SIM1: variants seen among roughly 807,000 people sequenced by gnomAD.
SIM1 encodes SIM bHLH transcription factor 1.
In SIM1, 18 loss-of-function variants were observed where a neutral mutation model predicts 78.2. The ratio of observed to expected loss-of-function variants is 0.23; its 90% CI spans 0.16 to 0.34. The LOEUF is 0.34. Ranked by LOEUF, SIM1 falls within the 10% of genes least tolerant of loss-of-function variation. SIM1 has a pLI of 1.00. For missense variants in SIM1, 939 were observed against 975.1 expected (o/e 0.96, Z 0.49); for synonymous variants, 417 against 385.2 (o/e 1.08, Z -0.97).
At position 100,458,766 on chromosome 6, in the gene SIM1, G is replaced by A. The variant is rs571982198; in HGVS notation, c.175+4528C>T. Among the ~76,000 whole-genome samples, 106 of 152,356 alleles carry A rather than the reference G, an allele frequency of 7.0e-4. 1 individual carries two copies. The highest frequency in any genetic ancestry group is 6.8e-3 in the Middle Eastern group (2 of 294). On this transcript the variant is annotated intron_variant, in intron 2 of 11. Coordinates refer to ENST00000369208, the MANE Select transcript of SIM1 (RefSeq NM_005068.3). ...CTGTCGGCCCTGCGCCGCCGAGGCCGAGTGACAAGGCGCAGGAACCGCCTA... is the reference window on the plus strand; with the variant it reads ...CTGTCGGCCCTGCGCCGCCGAGGCCAAGTGACAAGGCGCAGGAACCGCCTA...
intron 10 of SIM1, among the ~76,000 whole-genome samples, chr6:100,400,125 A>G (rs971601624): frequency 6.6e-6 from 1 of 152,092 alleles, no homozygotes; most frequent in Non-Finnish European, 1.5e-5. Flanking sequence ...AGCAAAAACT[A>G]TAGGAGATAC....
At position 100,393,772 on chromosome 6, in the gene SIM1, G is replaced by A; in HGVS notation, c.1285C>T (p.Gln429Ter). ...CTGTAGGCGCACGATGCGTCGTGCT[G>A]GGAGCCAGGCCTATCGGCGGGGTCC... ...LLDPADRPGSQHDASCAYRQF... is the reference protein window; with the variant it reads ...LLDPADRPGS Residue 429 changes from glutamine to a stop codon, truncating the protein, a stop_gained, in exon 11 of 12, where the codon CAG becomes TAG. Transcript: ENST00000369208. LOFTEE classifies it high-confidence loss of function. 6.2e-7 allele frequency: 1 copy of A among 1,614,200 alleles called. No individual in the cohort carries two copies. Among genetic ancestry groups the A allele is most frequent in the Non-Finnish European group, 8.5e-7 (1 of 1,180,022 alleles).
rs1306444430 is a variant in SIM1, at chr6:100,420,966, G to A, written c.999-8C>T. 8 of 1,611,754 alleles carry A rather than the reference G, an allele frequency of 5.0e-6. No individual in the cohort carries two copies. The highest frequency in any genetic ancestry group is 1.7e-4 in the Middle Eastern group (1 of 5,902). ...CCTTTGTATTCTGTGTCTCTGCAGG[G>A]TGGGAGGACAAAGCCCTTAATCAGC... On this transcript the variant is annotated splice_polypyrimidine_tract_variant and splice_region_variant and intron_variant, in intron 9 of 11. Coordinates refer to ENST00000369208, the MANE Select transcript of SIM1 (RefSeq NM_005068.3).
At chr6:100,394,673 G>C (rs1221004659) in intron 10 of SIM1, among the ~76,000 whole-genome samples, 2 of 152,130 alleles carry the variant, frequency 1.3e-5, no homozygotes. Context: ...TCAAAGTGCT[G>C]AGATTACAGG....
In SIM1 at chr6:100,449,439, A is replaced by C; in HGVS notation, c.467T>G (p.Ile156Ser). Reference sequence around the variant, plus strand: ...CATCCTCAGGAAGAAGGAGCGCTCGATCTCATACTCTGGGAGAGAGGAACG... The same window carrying C: ...CATCCTCAGGAAGAAGGAGCGCTCGCTCTCATACTCTGGGAGAGAGGAACG... ...YHSHFVQEYE[I>S]ERSFFLRMKC... Residue 156 changes from isoleucine (I) to serine (S), a missense_variant, in exon 6 of 12, where the codon ATC (isoleucine) becomes AGC (serine). This residue lies in a region of SIM1 where 187 missense variants were observed against 191.6 expected (regional missense o/e 0.98). Transcript: ENST00000369208. 10 of 1,613,990 alleles carry C rather than the reference A, an allele frequency of 6.2e-6. No homozygotes were observed. The highest frequency in any genetic ancestry group is 1.3e-5 in the African/African-American group (1 of 75,070).
rs1562229364 is a variant in SIM1, at chr6:100,390,522, TTA to T, written c.2138_2139del (p.Leu713TyrfsTer10). On this transcript the variant is annotated frameshift_variant, in exon 12 of 12. Transcript: ENST00000369208. LOFTEE classifies it high-confidence loss of function. ...TATAAGTGCTCCAGGGCATATCCAG[TTA>T]ATGTGTAAGCATGCTTGTCAAAATA... ...RQYFDKHAYT[L>X]TGYALEHLYD... 6.2e-7 allele frequency: 1 copy of T among 1,614,104 alleles called. No homozygotes were observed.
At position 100,386,379 on chromosome 6, in the gene SIM1, A is replaced by G. The variant is rs1024340656; in HGVS notation, c.*3982T>C. 1 of 152,046 alleles carries G rather than the reference A, an allele frequency of 6.6e-6. No individual in the cohort carries two copies. The allele number at this position is 152,046 out of a possible 1,614,324, so 9.4% of individuals were successfully genotyped here. A position where few individuals can be genotyped will look rare whatever the true frequency, so the allele number is the denominator to read the frequency against. ...TACTAGGACTGATAGATTGCACTGA[A>G]TATCTTAGTAATATCCTACTCTTGA... On this transcript the variant is annotated 3_prime_UTR_variant, in exon 12 of 12. Coordinates refer to ENST00000369208, the MANE Select transcript of SIM1 (RefSeq NM_005068.3).
chr6:100,456,428 C>T (rs780990308), intron 2 of SIM1, among the ~76,000 whole-genome samples: 18 of 152,238 alleles, frequency 1.2e-4, no homozygotes, highest in Non-Finnish European at 1.5e-4. Flanking sequence ...AGGAAACCAG[C>T]TCCCTTTGCG....
At chr6:100,400,998 C>T (rs1490513044) in intron 10 of SIM1, among the ~76,000 whole-genome samples, 1 of 151,978 alleles carries the variant, frequency 6.6e-6, no homozygotes, top group Non-Finnish European at 1.5e-5. Context: ...AACAGTTATA[C>T]AGTAAAGAAA....
chr6:100,412,758 G>GAAAGAAAAAAT (rs1771289640), intron 10 of SIM1, among the ~76,000 whole-genome samples: 1 of 134,032 alleles, frequency 7.5e-6, no homozygotes, highest in Non-Finnish European at 1.6e-5. Context: ...AAAGAAAAAA[G>GAAAGAAAAAAT]AAAAGAAAAA....
intron 10 of SIM1, among the ~76,000 whole-genome samples, chr6:100,415,835 T>A (rs1771384359): frequency 6.6e-6 from 1 of 152,126 alleles, no homozygotes; most frequent in Non-Finnish European, 1.5e-5. Flanking sequence ...AAAATACAGA[T>A]AAGACAGCTT....
chr6:100,442,295 T>C (rs1007895299), intron 9 of SIM1, among the ~76,000 whole-genome samples: 10 of 152,346 alleles, frequency 6.6e-5, no homozygotes, highest in African/African-American at 2.4e-4. Context: ...AGTATTTAAC[T>C]GGTATTATGT....
chr6:100,404,739 C>T (rs1771012100), intron 10 of SIM1, among the ~76,000 whole-genome samples: 1 of 152,104 alleles, frequency 6.6e-6, no homozygotes. Context: ...GGCTTACACA[C>T]ATTGGAAATT....
rs201781365 is a variant in SIM1, at chr6:100,448,510, G to A, written c.712C>T (p.Leu238=). The A allele has an allele frequency of 6.2e-7, 1 of 1,614,104 alleles. No homozygotes were observed. The highest frequency in any genetic ancestry group is 2.2e-5 in the East Asian group (1 of 44,868). ...TCCAGAAAGATGAGCTTCATGTCCAGGCTGGCGCGGAACATAAACATATTG... is the reference window on the plus strand; with the variant it reads ...TCCAGAAAGATGAGCTTCATGTCCAAGCTGGCGCGGAACATAAACATATTG... ...HSNMFMFRAS[L]DMKLIFLDSR... Residue 238 remains leucine (L), a synonymous_variant, in exon 7 of 12, where the codon CTG becomes TTG. Transcript: ENST00000369208.
rs1770574757 is a variant in SIM1, at chr6:100,389,075, C to A, written c.*1286G>T. The A allele has an allele frequency of 6.6e-6, 1 of 152,160 alleles. No homozygotes were observed. Among genetic ancestry groups the A allele is most frequent in the Non-Finnish European group, 1.5e-5 (1 of 68,076 alleles). 9.4% of individuals were successfully genotyped at this position (152,160 alleles called of 1,614,324 possible). ...GCCTTACAAACCAGGAAACTAGAGC[C>A]CAGGCACGGTGAATGGTACAACTGT... On this transcript the variant is annotated 3_prime_UTR_variant, in exon 12 of 12. Transcript: ENST00000369208.
chr6:100,446,470 C>G (rs892759226), intron 9 of SIM1, among the ~76,000 whole-genome samples: 4 of 152,220 alleles, frequency 2.6e-5, no homozygotes, highest in African/African-American at 9.6e-5. Flanking sequence ...GGCTTCAACC[C>G]TAAGCAATTC....
intron 10 of SIM1, among the ~76,000 whole-genome samples, chr6:100,405,243 G>T (rs1562236414): frequency 1.3e-5 from 2 of 151,862 alleles, no homozygotes; most frequent in Non-Finnish European, 2.9e-5. Flanking sequence ...AAAACTTCAA[G>T]AAAAGTTGGA....
chr6:100,410,337 G>A (rs1479230217), intron 10 of SIM1, among the ~76,000 whole-genome samples: 1 of 152,162 alleles, frequency 6.6e-6, no homozygotes, highest in Non-Finnish European at 1.5e-5. Context: ...ACAAATTGCA[G>A]CATCACTTCC....
chr6:100,453,551 C>T (rs1028238624), intron 3 of SIM1, among the ~76,000 whole-genome samples: 2 of 152,124 alleles, frequency 1.3e-5, no homozygotes, highest in African/African-American at 4.8e-5. Context: ...CCCTCTCAGC[C>T]TCTTGAGGCA....
Sources: gnomAD v4.1 joint callset for allele counts (sites outside exome capture counted in the v4.1 genomes callset) on GRCh38, gnomAD v4.1.1 for gene constraint, gnomAD v4.1.1 regional missense constraint, MANE v1.5 for transcripts, NCBI Gene and HGNC (gene_info 2026-07-23, HGNC 2026-07-21) for gene names.